DGKD: variants seen among roughly 807,000 people sequenced by gnomAD.
DGKD encodes the protein diacylglycerol kinase delta, also known as DAG kinase delta.
A neutral mutation model predicts 154.4 loss-of-function variants in DGKD; 68 were observed. That is an observed-to-expected ratio of 0.44 (90% CI 0.36 to 0.54). The LOEUF (loss-of-function observed/expected upper bound fraction) is 0.54, where lower values mean the gene tolerates loss of function less well. Among genes scored for constraint, DGKD ranks in the 20% least tolerant of loss-of-function variants. DGKD has a pLI of 0.00. For synonymous variants in DGKD, 693 were observed against 638.0 expected (o/e 1.09, Z -1.30); for missense variants, 1,343 against 1,593.6 (o/e 0.84, Z 2.68).
intron 3 of DGKD, among the ~76,000 whole-genome samples, chr2:233,427,245 G>A (rs1487479326): frequency 6.6e-6 from 1 of 151,264 alleles, no homozygotes; most frequent in Non-Finnish European, 1.5e-5. Context: ...ATGCAGTTCT[G>A]CTCCTTCTCT....
intron 6 of DGKD, 32 bp downstream of exon 6, chr2:233,435,956 G>T (rs775861733): frequency 6.4e-7 from 1 of 1,571,024 alleles, no homozygotes; most frequent in Non-Finnish European, 8.6e-7. Flanking sequence ...GTGGGGCCCT[G>T]AGCCAGGGTC....
chr2:233,365,181 G>T (rs1421610089), intron 1 of DGKD, among the ~76,000 whole-genome samples: 1 of 151,372 alleles, frequency 6.6e-6, no homozygotes, highest in Non-Finnish European at 1.5e-5. Flanking sequence ...TATACATCAA[G>T]TAGACAAAGA....
chr2:233,433,568 A>G (rs1174086889), intron 3 of DGKD, among the ~76,000 whole-genome samples: 1 of 152,212 alleles, frequency 6.6e-6, no homozygotes, highest in East Asian at 1.9e-4. Context: ...ACATTTAAAA[A>G]TAACTCAGAG....
At chr2:233,368,958 C>T (rs138457621) in intron 1 of DGKD, among the ~76,000 whole-genome samples, 55 of 152,306 alleles carry the variant, frequency 3.6e-4, no homozygotes, top group South Asian at 1.5e-3. Context: ...GCATTGCTGC[C>T]CATTTCCTGC....
At chr2:233,398,552 C>A (rs13406844) in intron 3 of DGKD, among the ~76,000 whole-genome samples, 2,239 of 152,294 alleles carry the variant, frequency 0.015, 54 homozygotes, top group African/African-American at 0.051. Context: ...CACATGTTTT[C>A]ATTGACTTAG....
rs145251208 is a variant in DGKD at position 233,433,164 on chromosome 2, A to G, written c.349-1216A>G. Among the ~76,000 whole-genome samples, 1,467 of 152,360 alleles carry G rather than the reference A, an allele frequency of 9.6e-3. 26 individuals carry two copies. The highest frequency in any genetic ancestry group is 0.033 in the African/African-American group (1,377 of 41,588). ...TCATGTGATTATAGCAGCACTATTC[A>G]CAATAGCCAAGATTTGGAAGCAACC... is the stretch of plus-strand genomic sequence containing the variant. On this transcript the variant is annotated intron_variant, in intron 3 of 29. Transcript: ENST00000264057.
rs1559549718 is a variant in DGKD at position 233,438,762 on chromosome 2, CTATCT to C, written c.1085+384_1085+388del. ...ATTTATCTGTCTATCTATCATCTAT[CTATCT>C]ATCTATCTATCTATCTATCTATCTA... On this transcript the variant is annotated intron_variant, in intron 9 of 29. Transcript: ENST00000264057. This position sits in a 1 kb window ranked among gnomAD's most constrained non-coding sequence, Gnocchi z 4.1. Among the ~76,000 whole-genome samples, 37 of 88,344 alleles carry C rather than the reference CTATCT, an allele frequency of 4.2e-4. No individual in the cohort carries two copies. The highest frequency in any genetic ancestry group is 1.6e-3 in the East Asian group (4 of 2,490). 58.0% of individuals were successfully genotyped at this position (88,344 alleles called of 152,430 possible). A position where few individuals can be genotyped will look rare whatever the true frequency, so the allele number is the denominator to read the frequency against.
At chr2:233,402,462 C>T (rs1159213668) in intron 3 of DGKD, among the ~76,000 whole-genome samples, 3 of 152,156 alleles carry the variant, frequency 2.0e-5, no homozygotes, top group African/African-American at 7.2e-5. Flanking sequence ...CAGTGCTCTG[C>T]CCTTTGGGGT....
intron 1 of DGKD, among the ~76,000 whole-genome samples, chr2:233,378,024 C>G (rs958498304): frequency 6.6e-6 from 1 of 151,850 alleles, no homozygotes; most frequent in African/African-American, 2.4e-5. Flanking sequence ...TCAGGCTGGC[C>G]TTGAACTACT....
In DGKD at chr2:233,354,502, C is replaced by T. The variant is rs1425718105; in HGVS notation, c.-17C>T. 1.0e-6 allele frequency: 1 copy of T among 976,518 alleles called. No homozygotes were observed. The highest frequency in any genetic ancestry group is 1.2e-6 in the Non-Finnish European group (1 of 825,148). The allele number at this position is 976,518 out of a possible 1,614,324, so 60.5% of individuals were successfully genotyped here. A position where few individuals can be genotyped will look rare whatever the true frequency, so the allele number is the denominator to read the frequency against. On this transcript the variant is annotated 5_prime_UTR_variant, in exon 1 of 30. Transcript: ENST00000264057. The surrounding 1 kb of genome is among the most constrained non-coding windows in gnomAD (Gnocchi z 4.8). ...CCGCCCCGCCCCCGCCCGCGGTGCG[C>T]GCGCTGGCCCGGCAGCATGGCGGCG...
chr2:233,420,905 C>T (rs1022193545), intron 3 of DGKD, among the ~76,000 whole-genome samples: 7 of 152,074 alleles, frequency 4.6e-5, no homozygotes, highest in Non-Finnish European at 1.0e-4. Flanking sequence ...TGCTTATCTT[C>T]GTCTTCTTGG....
chr2:233,444,962 G>A (rs1445115449), intron 10 of DGKD, among the ~76,000 whole-genome samples: 1 of 152,044 alleles, frequency 6.6e-6, no homozygotes, highest in East Asian at 1.9e-4. Flanking sequence ...GGCCTCCTAA[G>A]CAATGGAATG....
In DGKD at chr2:233,458,394, C is replaced by T. The variant is rs776057370; in HGVS notation, c.2691C>T (p.Ala897=). The change falls in exon 22 of 30, where the codon GCC becomes GCT. Residue 897 remains alanine, a synonymous_variant. Transcript: ENST00000264057. This position sits in a 1 kb window ranked among gnomAD's most constrained non-coding sequence, Gnocchi z 6.6. ...RVIRLQHHRI[A]QCRTVKISIL... ...TCAGGCTACAGCATCATCGGATCGC[C>T]CAGGTAGTGGCCATGGTCCTGGGGT... The T allele has an allele frequency of 6.2e-7, 1 of 1,606,926 alleles. No homozygotes were observed. Among genetic ancestry groups the T allele is most frequent in the Non-Finnish European group, 8.5e-7 (1 of 1,178,654 alleles).
At chr2:233,370,169 T>C (rs1702239033) in intron 1 of DGKD, among the ~76,000 whole-genome samples, 1 of 152,132 alleles carries the variant, frequency 6.6e-6, no homozygotes, top group South Asian at 2.1e-4. Context: ...CAACCACTAA[T>C]CTGCTTTCCA....
chr2:233,402,226 A>G (rs1243061950), intron 3 of DGKD, among the ~76,000 whole-genome samples: 1 of 152,142 alleles, frequency 6.6e-6, no homozygotes, highest in Non-Finnish European at 1.5e-5. Context: ...GTGGTTCTCA[A>G]ACTTGGCCAT....
rs192573878 is a variant in DGKD, at chr2:233,390,185, A to T, written c.268-218A>T. 3.3e-3 allele frequency among the ~76,000 whole-genome samples: 500 copies of T among 152,296 alleles called. 3 individuals are homozygous for T. The highest frequency in any genetic ancestry group is 0.012 in the African/African-American group (482 of 41,560). On this transcript the variant is annotated intron_variant, in intron 2 of 29. Transcript: ENST00000264057. ...ACAATGTTTGTAGATTTTTTTAAAA[A>T]AATCATGGCACTATACCTGTGAGCC... is the stretch of plus-strand genomic sequence containing the variant.
intron 3 of DGKD, among the ~76,000 whole-genome samples, chr2:233,399,963 A>G (rs1055077272): frequency 3.9e-5 from 6 of 152,178 alleles, no homozygotes; most frequent in Non-Finnish European, 8.8e-5. Flanking sequence ...TATTAATAAC[A>G]GTGTTGAAGG....
chr2:233,456,333 C>T (rs1006961794), intron 19 of DGKD, among the ~76,000 whole-genome samples: 4 of 152,182 alleles, frequency 2.6e-5, no homozygotes, highest in Non-Finnish European at 5.9e-5. Context: ...CGTGTGGCCA[C>T]AGAAGGAAGC....
chr2:233,451,107 T>A (rs1327551961), intron 17 of DGKD, 57 bp downstream of exon 17: 7 of 1,538,986 alleles, frequency 4.5e-6, no homozygotes, highest in Non-Finnish European at 5.3e-6. Flanking sequence ...ACTGGTCCCG[T>A]CAAACTGAAA....
Sources: allele counts gnomAD v4.1 joint callset (sites outside exome capture counted in the v4.1 genomes callset), GRCh38; gene constraint gnomAD v4.1.1; non-coding constraint Gnocchi (gnomAD v3.1); transcripts MANE v1.5; gene names NCBI Gene and HGNC (gene_info 2026-07-23, HGNC 2026-07-21).